DPP6: variants seen among roughly 807,000 people sequenced by gnomAD.
The protein encoded by DPP6 is A-type potassium channel modulatory protein DPP6.
Under a neutral mutation model 122.6 loss-of-function variants are expected in DPP6, and 69 were observed. The observed-to-expected ratio is 0.56, with a 90% CI of 0.46 to 0.69. The LOEUF (loss-of-function observed/expected upper bound fraction) is 0.69. DPP6 is among the 30% of genes least tolerant of loss of function. The pLI is 0.00. For missense variants in DPP6, 928 were observed against 1,116.9 expected, an observed-to-expected ratio of 0.83 and a Z score of 2.41; for synonymous variants, 418 against 433.1, an observed-to-expected ratio of 0.97 and a Z score of 0.43.
chr7:154,102,414 C>G (rs184388464), intron 1 of DPP6, among the ~76,000 whole-genome samples: 1 of 152,158 alleles, frequency 6.6e-6, no homozygotes, highest in Admixed American at 6.5e-5. Context: ...GTCTCAGACT[C>G]CTGACCTCAG....
At chr7:153,883,837 G>A (rs982240713), upstream of DPP6, among the ~76,000 whole-genome samples, 2 of 152,146 alleles carry the variant, frequency 1.3e-5, no homozygotes, top group Non-Finnish European at 2.9e-5. Flanking sequence ...TTCCTTTTAT[G>A]CCTGCTTTTC....
chr7:154,788,902 A>C (rs1226726217), intron 10 of DPP6, among the ~76,000 whole-genome samples: 2 of 151,538 alleles, frequency 1.3e-5, no homozygotes, highest in African/African-American at 4.9e-5. Context: ...ATTTTCCTCA[A>C]TTTTCCTGAC....
In DPP6 at chr7:154,053,355, G is replaced by A. The variant is rs528751409; in HGVS notation, c.243+292G>A. Among the ~76,000 whole-genome samples the A allele has an allele frequency of 2.6e-5, 4 of 152,296 alleles. No homozygotes were observed. The East Asian group carries it at 5.8e-4, about 22-fold the overall frequency. ...GGAATTCGCCTTACGTTCCCTGGGT[G>A]CGCGGATGTCTGTTTTTAACAGCAT... is the stretch of plus-strand genomic sequence containing the variant. On this transcript the variant is annotated intron_variant, in intron 1 of 25. Transcript: ENST00000377770.
rs1242883508 is a variant in DPP6 at position 154,062,142 on chromosome 7, C to A, written c.243+9079C>A. On this transcript the variant is annotated intron_variant, in intron 1 of 25. Transcript: ENST00000377770. ...CGAGGCGGGGACTGAGAGCCAGACC[C>A]TCATCCCCCACCGGCTTAGGACCCA... Among the ~76,000 whole-genome samples, 7 of 101,948 alleles carry A rather than the reference C, an allele frequency of 6.9e-5. 3 individuals are homozygous for A. The highest frequency in any genetic ancestry group is 1.9e-4 in the African/African-American group (5 of 26,746). The allele number at this position is 101,948 out of a possible 152,430, so 66.9% of individuals were successfully genotyped here.
At chr7:154,504,707 A>C (rs879638404) in intron 3 of DPP6, among the ~76,000 whole-genome samples, 5 of 152,154 alleles carry the variant, frequency 3.3e-5, no homozygotes, top group African/African-American at 4.8e-5. Flanking sequence ...GCCTTTCTTA[A>C]CTAAAAATAT....
the DPP6 span, among the ~76,000 whole-genome samples, chr7:153,764,967 G>A: frequency 0.073 from 9,540 of 131,276 alleles, no homozygotes; most frequent in African/African-American, 0.18. Context: ...GCTCTGTGAC[G>A]CCGAATGGCT....
chr7:154,403,407 G>T lies in DPP6; in HGVS notation c.244-42807G>T, dbSNP rs912307731. ...ACTGGAGTTGCGGTAGATGCCTCCT[G>T]GGTGTTGAAGAGTCCGAAGGATCCA... On this transcript the variant is annotated intron_variant, in intron 1 of 25. Coordinates refer to ENST00000377770, the MANE Select transcript of DPP6 (RefSeq NM_130797.4). This position sits in a 1 kb window ranked among gnomAD's most constrained non-coding sequence, Gnocchi z 4.1. Among the ~76,000 whole-genome samples the T allele has an allele frequency of 2.0e-5, 3 of 152,190 alleles. No homozygotes were observed. The highest frequency in any genetic ancestry group is 7.2e-5 in the African/African-American group (3 of 41,450).
chr7:154,760,995 C>T lies in DPP6; in HGVS notation c.884-8422C>T, dbSNP rs558179246. Among the ~76,000 whole-genome samples the T allele has an allele frequency of 2.1e-3, 323 of 152,072 alleles. No homozygotes were observed. The highest frequency in any genetic ancestry group is 4.9e-3 in the Admixed American group (75 of 15,266). ...GACTACAGGCGCCTGCCACCATGCC[C>T]GGCTAATTTTTGTATTTTTAGTAGA... On this transcript the variant is annotated intron_variant, in intron 8 of 25. Transcript: ENST00000377770. This position sits in a 1 kb window ranked among gnomAD's most constrained non-coding sequence, Gnocchi z 4.5.
At chr7:154,617,830 G>C (rs894350474) in intron 5 of DPP6, among the ~76,000 whole-genome samples, 2 of 152,150 alleles carry the variant, frequency 1.3e-5, no homozygotes, top group African/African-American at 2.4e-5. Context: ...AAAGACAGAA[G>C]GTTTAGTAGC....
intron 1 of DPP6, among the ~76,000 whole-genome samples, chr7:154,225,589 T>C (rs1313861643): frequency 1.3e-5 from 2 of 152,146 alleles, no homozygotes; most frequent in Non-Finnish European, 2.9e-5. Flanking sequence ...AAAAATCTCA[T>C]TGGTTTGGGA....
intron 1 of DPP6, among the ~76,000 whole-genome samples, chr7:154,277,550 G>C (rs749184451): frequency 2.6e-5 from 4 of 152,172 alleles, no homozygotes; most frequent in Non-Finnish European, 5.9e-5. Context: ...GATCACTTCA[G>C]GTCAGGAGTT....
intron 1 of DPP6, among the ~76,000 whole-genome samples, chr7:153,893,064 T>C (rs1043836371): frequency 6.6e-6 from 1 of 152,176 alleles, no homozygotes; most frequent in African/African-American, 2.4e-5. Context: ...AATGCAGATT[T>C]CCAGAAAGAA....
At chr7:154,584,385 C>A (rs1197369077) in intron 5 of DPP6, among the ~76,000 whole-genome samples, 3 of 152,228 alleles carry the variant, frequency 2.0e-5, no homozygotes, top group Non-Finnish European at 4.4e-5. Context: ...CCACGGGGAC[C>A]ACAGCACTGC....
intron 16 of DPP6, among the ~76,000 whole-genome samples, chr7:154,848,674 C>T (rs922541212): frequency 1.3e-5 from 2 of 152,200 alleles, no homozygotes; most frequent in African/African-American, 4.8e-5. Flanking sequence ...GATGCAATCC[C>T]GTTCACCTAG....
chr7:154,085,934 G>C (rs868551807), intron 1 of DPP6, among the ~76,000 whole-genome samples: 7 of 151,988 alleles, frequency 4.6e-5, no homozygotes, highest in Non-Finnish European at 8.8e-5. Flanking sequence ...CACCATGTTG[G>C]CCAGGCTCGT....
chr7:154,819,991 G>A (rs535396675), intron 16 of DPP6, among the ~76,000 whole-genome samples: 9 of 152,318 alleles, frequency 5.9e-5, no homozygotes, highest in African/African-American at 2.2e-4. Flanking sequence ...GGACGGTGGG[G>A]CTGGAAGGGG....
chr7:154,052,572 G>A lies in DPP6; in HGVS notation c.-249G>A, dbSNP rs1800431017. 5 of 1,165,870 alleles carry A rather than the reference G, an allele frequency of 4.3e-6. No individual in the cohort carries two copies. Among genetic ancestry groups the A allele is most frequent in the Non-Finnish European group, 5.4e-6 (5 of 926,636 alleles). The allele number at this position is 1,165,870 out of a possible 1,614,324, so 72.2% of individuals were successfully genotyped here. ...AGGAAAGAGAGAAAGCACAGCCAGA[G>A]CCCCGGCTTCGCGAGCCGCCGGGGA... On this transcript the variant is annotated 5_prime_UTR_variant, in exon 1 of 26. Coordinates refer to ENST00000377770, the MANE Select transcript of DPP6 (RefSeq NM_130797.4). The surrounding 1 kb of genome is among the most constrained non-coding windows in gnomAD (Gnocchi z 4.8).
intron 1 of DPP6, among the ~76,000 whole-genome samples, chr7:153,957,555 T>C (rs573513058): frequency 6.8e-4 from 104 of 152,318 alleles, no homozygotes; most frequent in Admixed American, 5.6e-3. Flanking sequence ...CCTCAGGTTA[T>C]GGCAAGTGAG....
At chr7:154,368,027 C>T (rs547521426) in intron 1 of DPP6, among the ~76,000 whole-genome samples, 4 of 152,184 alleles carry the variant, frequency 2.6e-5, no homozygotes, top group South Asian at 4.2e-4. Flanking sequence ...AGGCTGGTCT[C>T]GAACTCCTGA....
Sources: allele counts gnomAD v4.1 joint callset (sites outside exome capture counted in the v4.1 genomes callset), GRCh38; gene constraint gnomAD v4.1.1; non-coding constraint Gnocchi (gnomAD v3.1); transcripts MANE v1.5; gene names NCBI Gene and HGNC (gene_info 2026-07-23, HGNC 2026-07-21).